The following CTNNBL1 variants were observed in gnomAD, a reference collection of about 807,000 sequenced individuals.
The protein encoded by CTNNBL1 is catenin beta like 1, also known as beta-catenin-like protein 1.
Under a neutral mutation model 72.7 loss-of-function variants are expected in CTNNBL1, and 31 were observed. The observed-to-expected ratio is 0.43, with a 90% CI of 0.32 to 0.58. CTNNBL1 has a LOEUF of 0.58. Among genes scored for constraint, CTNNBL1 ranks in the 20% least tolerant of loss-of-function variants. The probability of loss-of-function intolerance (pLI) is 0.08; values close to 1 mark genes in which losing one functional copy is unlikely to be tolerated. For missense variants in CTNNBL1, 534 were observed against 725.1 expected, an observed-to-expected ratio of 0.74 and a Z score of 3.03; for synonymous variants, 240 against 267.3, an observed-to-expected ratio of 0.90 and a Z score of 1.00.
chr20:37,844,659 T>C (rs1261178978), intron 13 of CTNNBL1, among the ~76,000 whole-genome samples: 1 of 152,170 alleles, frequency 6.6e-6, no homozygotes, highest in Non-Finnish European at 1.5e-5. Flanking sequence ...ACCTGAACTT[T>C]GGGAGGCCAG....
At chr20:37,726,759 A>G (rs543234243) in intron 1 of CTNNBL1, among the ~76,000 whole-genome samples, 1 of 152,318 alleles carries the variant, frequency 6.6e-6, no homozygotes, top group Admixed American at 6.5e-5. Flanking sequence ...TTTACGAATT[A>G]TCCCCTTTCT....
chr20:37,719,709 G>C (rs183845806), intron 1 of CTNNBL1, among the ~76,000 whole-genome samples: 15 of 152,126 alleles, frequency 9.9e-5, no homozygotes, highest in African/African-American at 3.4e-4. Flanking sequence ...TTAGAAAAAT[G>C]TTAGAAGATA....
At chr20:37,695,941 A>G (rs1184206700) in intron 1 of CTNNBL1, among the ~76,000 whole-genome samples, 1 of 152,264 alleles carries the variant, frequency 6.6e-6, no homozygotes, top group Non-Finnish European at 1.5e-5. Flanking sequence ...AGAACAGTTC[A>G]GCAATGGGGA....
intron 11 of CTNNBL1, among the ~76,000 whole-genome samples, chr20:37,812,258 A>G (rs1475641858): frequency 6.6e-6 from 1 of 152,162 alleles, no homozygotes; most frequent in Non-Finnish European, 1.5e-5. Flanking sequence ...CAATATGGTA[A>G]TATAGTTATT....
chr20:37,782,438 G>A (rs138816275), intron 10 of CTNNBL1, among the ~76,000 whole-genome samples: 4 of 152,072 alleles, frequency 2.6e-5, no homozygotes, highest in African/African-American at 9.6e-5. Flanking sequence ...ACTTTATTGA[G>A]GCATAATTTT....
chr20:37,850,195 T>TG (rs61332583), intron 13 of CTNNBL1, among the ~76,000 whole-genome samples: 30 of 151,324 alleles, frequency 2.0e-4, no homozygotes, highest in Non-Finnish European at 3.2e-4. Flanking sequence ...GTGAGCAGTC[T>TG]GTTTTTTTTT....
rs184567656 is a variant in CTNNBL1 at position 37,743,413 on chromosome 20, A to G, written c.327-3055A>G. ...TCCACACTTCAAGTGATCTAAAAAA[A>G]TAATCTATTTGCAAGCAGAGAAGGA... On this transcript the variant is annotated intron_variant, in intron 3 of 15. Transcript: ENST00000361383. Among the ~76,000 whole-genome samples, 3 of 152,294 alleles carry G rather than the reference A, an allele frequency of 2.0e-5. No individual in the cohort carries two copies. In the East Asian group the frequency reaches 5.8e-4, roughly 29 times the overall value.
chr20:37,859,995 T>A lies in CTNNBL1; in HGVS notation c.1489T>A (p.Cys497Ser), dbSNP rs2072477247. Residue 497 changes from cysteine to serine, a missense_variant, in exon 14 of 16, where the codon TGC becomes AGC. Physicochemically the swap from Cys to Ser is moderately radical, Grantham distance 112. Transcript: ENST00000361383. The part of the protein sequence containing the change: ...DAGLFVLQHI[C>S]YIMAEICNAN... The stretch of plus-strand genomic sequence containing the variant: ...GGGGCTCTTTGTTCTCCAGCACATC[T>A]GCTACATCATGGCCGAGATCTGCAA... The A allele has an allele frequency of 6.2e-7, 1 of 1,614,034 alleles. No homozygotes were observed. Among genetic ancestry groups the A allele is most frequent in the Non-Finnish European group, 8.5e-7 (1 of 1,180,002 alleles).
chr20:37,759,782 G>C (rs191716202), intron 5 of CTNNBL1, among the ~76,000 whole-genome samples: 1 of 152,178 alleles, frequency 6.6e-6, no homozygotes, highest in African/African-American at 2.4e-5. Flanking sequence ...TCAGAGAACA[G>C]AACCAGCGGT....
At chr20:37,866,854 C>A (rs1438115591) in intron 15 of CTNNBL1, among the ~76,000 whole-genome samples, 1 of 152,186 alleles carries the variant, frequency 6.6e-6, no homozygotes, top group Non-Finnish European at 1.5e-5. Context: ...CTAATCCTTT[C>A]GCCTGGAGTT....
At chr20:37,800,652 T>C (rs904961685) in intron 10 of CTNNBL1, among the ~76,000 whole-genome samples, 2 of 152,218 alleles carry the variant, frequency 1.3e-5, no homozygotes, top group African/African-American at 2.4e-5. Context: ...CCCAAATACA[T>C]GTAATTTGTC....
intron 1 of CTNNBL1, among the ~76,000 whole-genome samples, chr20:37,696,640 C>A (rs985048883): frequency 2.0e-5 from 3 of 151,238 alleles, no homozygotes; most frequent in African/African-American, 7.3e-5. Flanking sequence ...GATGGGGTTT[C>A]TCCATGTTGG....
At chr20:37,838,838 G>A (rs2072277021) in intron 11 of CTNNBL1, among the ~76,000 whole-genome samples, 1 of 152,170 alleles carries the variant, frequency 6.6e-6, no homozygotes, top group East Asian at 1.9e-4. Flanking sequence ...AGTGAGCCCT[G>A]ATCGTGCCGC....
intron 4 of CTNNBL1, among the ~76,000 whole-genome samples, chr20:37,755,909 C>T (rs1176884573): frequency 1.3e-5 from 2 of 152,204 alleles, no homozygotes; most frequent in Admixed American, 6.5e-5. Context: ...TTAGTGCGTC[C>T]TGCACACAGC....
At chr20:37,868,530 C>T (rs773144394) in intron 15 of CTNNBL1, among the ~76,000 whole-genome samples, 31 of 152,188 alleles carry the variant, frequency 2.0e-4, no homozygotes, top group Admixed American at 1.0e-3. Context: ...ATGGGACAGG[C>T]CCTCTTCCAG....
chr20:37,722,543 G>T (rs2073050318), intron 1 of CTNNBL1, among the ~76,000 whole-genome samples: 1 of 151,932 alleles, frequency 6.6e-6, no homozygotes, highest in Admixed American at 6.6e-5. Flanking sequence ...TATATACAGG[G>T]CTTTGCAGTT....
chr20:37,766,290 TA>T (rs1220295435), intron 6 of CTNNBL1, among the ~76,000 whole-genome samples: 1 of 152,184 alleles, frequency 6.6e-6, no homozygotes, highest in Non-Finnish European at 1.5e-5. Flanking sequence ...TGTCTGTTAA[TA>T]AAAAGTACCA....
Position 37,748,977 on chromosome 20 carries a change from T to G in CTNNBL1, c.466+2370T>G, listed in dbSNP as rs1446296426. On this transcript the variant is annotated intron_variant, in intron 4 of 15. Transcript: ENST00000361383. Reference sequence around the variant, plus strand: ...GTGACTACGAGTTCTGGTTGTTACTTCACATTTCAGTTCACCTACAGAAGG... The same window carrying G: ...GTGACTACGAGTTCTGGTTGTTACTGCACATTTCAGTTCACCTACAGAAGG... Among the ~76,000 whole-genome samples, 3 of 152,220 alleles carry G rather than the reference T, an allele frequency of 2.0e-5. No homozygotes were observed. In the East Asian group the frequency reaches 5.8e-4, roughly 29 times the overall value.
At chr20:37,856,366 AGG>A (rs1364913547) in intron 13 of CTNNBL1, among the ~76,000 whole-genome samples, 1 of 152,096 alleles carries the variant, frequency 6.6e-6, no homozygotes, top group Non-Finnish European at 1.5e-5. Flanking sequence ...ACCACAACAG[AGG>A]TACAAATCCA....
Sources: gnomAD v4.1 joint callset for allele counts (sites outside exome capture counted in the v4.1 genomes callset) on GRCh38, gnomAD v4.1.1 for gene constraint, MANE v1.5 for transcripts, NCBI Gene and HGNC (gene_info 2026-07-23, HGNC 2026-07-21) for gene names.